IGBP1C: variants seen among roughly 807,000 people sequenced by gnomAD.
IGBP1C encodes immunoglobulin-binding protein 1 family member C.
chr17:58,687,092 T>C, the IGBP1C span, among the ~76,000 whole-genome samples: 1 of 151,988 alleles, frequency 6.6e-6, no homozygotes, highest in Non-Finnish European at 1.5e-5. Flanking sequence ...GGAGGCTCTA[T>C]GATCAAACAC....
chr17:58,675,427 G>A, the IGBP1C span: 1 of 154,752 alleles, frequency 6.5e-6, no homozygotes, highest in East Asian at 1.9e-4. Flanking sequence ...GCATTTTGAA[G>A]TGAGAGGAGA....
chr17:58,667,844 G>T, the IGBP1C span, among the ~76,000 whole-genome samples: 1 of 149,304 alleles, frequency 6.7e-6, no homozygotes, highest in African/African-American at 2.5e-5. Flanking sequence ...AATGAGCCGT[G>T]ATCATGCCAC....
chr17:58,681,439 T>C, the IGBP1C span, among the ~76,000 whole-genome samples: 81 of 152,284 alleles, frequency 5.3e-4, 1 homozygote, highest in African/African-American at 1.9e-3. Context: ...GTTTTATTTT[T>C]ATATACTTTC....
the IGBP1C span, among the ~76,000 whole-genome samples, chr17:58,684,794 G>A: frequency 3.3e-5 from 5 of 151,976 alleles, no homozygotes; most frequent in Non-Finnish European, 5.9e-5. Context: ...GGCCAATATG[G>A]CAAAACCCTG....
At chr17:58,675,214 T>C in the IGBP1C span, 1 of 150,984 alleles carries the variant, frequency 6.6e-6, no homozygotes, top group East Asian at 1.9e-4. Flanking sequence ...GCCATCAGGG[T>C]AATACAAATC....
the IGBP1C span, among the ~76,000 whole-genome samples, chr17:58,672,492 G>A: frequency 2.6e-5 from 4 of 152,224 alleles, no homozygotes; most frequent in Non-Finnish European, 4.4e-5. Context: ...GCAGTGCAGA[G>A]GTGCAATCTC....
chr17:58,683,926 G>C, the IGBP1C span, among the ~76,000 whole-genome samples: 1 of 146,052 alleles, frequency 6.8e-6, no homozygotes, highest in Non-Finnish European at 1.5e-5. Flanking sequence ...TTAGCTGGGC[G>C]TGGTGGTGCA....
the IGBP1C span, among the ~76,000 whole-genome samples, chr17:58,685,409 C>G: frequency 6.7e-6 from 1 of 149,998 alleles, no homozygotes; most frequent in Admixed American, 6.7e-5. Flanking sequence ...GCACTCCAGC[C>G]TGGGCAGCAG....
chr17:58,669,256 G>A, the IGBP1C span, among the ~76,000 whole-genome samples: 3 of 152,028 alleles, frequency 2.0e-5, no homozygotes, highest in South Asian at 2.1e-4. Flanking sequence ...GGAGGCTGAG[G>A]CAGAAGAATG....
the IGBP1C span, among the ~76,000 whole-genome samples, chr17:58,691,351 G>C: frequency 6.6e-6 from 1 of 151,896 alleles, no homozygotes; most frequent in Non-Finnish European, 1.5e-5. Context: ...TTCTAAGCTG[G>C]GAAGAAAAGT....
the IGBP1C span, among the ~76,000 whole-genome samples, chr17:58,687,049 G>GCCCATGGGAT: frequency 5.3e-5 from 8 of 150,888 alleles, no homozygotes; most frequent in African/African-American, 2.0e-4. Context: ...GGAGCTGAAG[G>GCCCATGGGAT]CCCATGGGAT....
the IGBP1C span, among the ~76,000 whole-genome samples, chr17:58,674,915 G>C: frequency 6.6e-6 from 1 of 151,514 alleles, no homozygotes; most frequent in Non-Finnish European, 1.5e-5. Context: ...GAGGCTGAGG[G>C]GGGGTGCATC....
the IGBP1C span, chr17:58,661,730 G>C: frequency 3.5e-6 from 2 of 573,850 alleles, no homozygotes; most frequent in Non-Finnish European, 3.1e-6. Context: ...CGGTGGCGTT[G>C]GGGGCGGCAT....
chr17:58,684,829 A>G, the IGBP1C span, among the ~76,000 whole-genome samples: 1 of 151,676 alleles, frequency 6.6e-6, no homozygotes, highest in African/African-American at 2.4e-5. Flanking sequence ...TACAAAAATT[A>G]GCTGGGCGTG....
the IGBP1C span, chr17:58,661,416 C>A: frequency 1.2e-6 from 1 of 836,752 alleles, no homozygotes; most frequent in Non-Finnish European, 2.1e-6. Context: ...CTGAACAAGT[C>A]AAGCTGCGAT....
the IGBP1C span, chr17:58,660,626 C>T: frequency 1.3e-6 from 1 of 791,198 alleles, no homozygotes; most frequent in East Asian, 2.4e-5. Flanking sequence ...GGTGTCCTTC[C>T]AGTCATCCCA....
chr17:58,673,170 C>A, the IGBP1C span, among the ~76,000 whole-genome samples: 1 of 151,864 alleles, frequency 6.6e-6, no homozygotes, highest in Non-Finnish European at 1.5e-5. Flanking sequence ...TCATGCCAAG[C>A]CTTTACATAT....
chr17:58,690,185 G>C, the IGBP1C span, among the ~76,000 whole-genome samples: 1 of 151,350 alleles, frequency 6.6e-6, no homozygotes, highest in African/African-American at 2.4e-5. Context: ...TTTTGTTTTT[G>C]AGATGGAGTC....
the IGBP1C span, chr17:58,660,781 A>G: frequency 1.3e-6 from 1 of 781,284 alleles, no homozygotes; most frequent in South Asian, 1.3e-5. Context: ...GATGTTGATC[A>G]TACCAGTCAC....
Sources: allele counts gnomAD v4.1 joint callset (sites outside exome capture counted in the v4.1 genomes callset), GRCh38; gene constraint gnomAD v4.1.1; transcripts MANE v1.5; gene names NCBI Gene and HGNC (gene_info 2026-07-23, HGNC 2026-07-21).